Variants in PRKCA observed in about 807,000 individuals in gnomAD.
PRKCA encodes the protein protein kinase C alpha type.
A neutral mutation model predicts 87.0 loss-of-function variants in PRKCA; 27 were observed. The observed-to-expected ratio is 0.31, with a 90% CI of 0.23 to 0.43. The LOEUF is 0.43. PRKCA is among the 20% of genes least tolerant of loss of function. The probability of loss-of-function intolerance (pLI) is 1.00; values close to 1 mark genes in which losing one functional copy is unlikely to be tolerated. For synonymous variants in PRKCA, 329 were observed against 311.1 expected (o/e 1.06, Z -0.61); for missense variants, 518 against 852.3 (o/e 0.61, Z 4.88).
At chr17:66,474,423 G>A (rs964311472) in intron 2 of PRKCA, among the ~76,000 whole-genome samples, 1 of 152,210 alleles carries the variant, frequency 6.6e-6, no homozygotes, top group African/African-American at 2.4e-5. Context: ...AGTCAGCCTA[G>A]CTGGAAGGCT....
chr17:66,577,322 C>G (rs1440530065), intron 3 of PRKCA, among the ~76,000 whole-genome samples: 4 of 152,146 alleles, frequency 2.6e-5, no homozygotes, highest in Non-Finnish European at 5.9e-5. Context: ...TGGTCAAGGC[C>G]TCATTTCTAC....
chr17:66,590,012 G>A lies in PRKCA; in HGVS notation c.289-51343G>A, dbSNP rs573274793. Among the ~76,000 whole-genome samples the A allele has an allele frequency of 3.9e-5, 6 of 152,262 alleles. No individual in the cohort carries two copies. The East Asian group carries it at 1.2e-3, about 29-fold the overall frequency. On this transcript the variant is annotated intron_variant, in intron 3 of 16. Transcript: ENST00000413366. Reference sequence around the variant, plus strand: ...ATCTGACGGTAGGCAGAGCTCAGGCGGTAATGCTTGCTTGCCCGCCGCTCA... The same window carrying A: ...ATCTGACGGTAGGCAGAGCTCAGGCAGTAATGCTTGCTTGCCCGCCGCTCA...
At chr17:66,315,759 C>T (rs1199128159) in intron 2 of PRKCA, among the ~76,000 whole-genome samples, 1 of 152,170 alleles carries the variant, frequency 6.6e-6, no homozygotes, top group African/African-American at 2.4e-5. Context: ...GGATTACAGG[C>T]ATGAGCCACC....
chr17:66,425,697 CT>C lies in PRKCA; in HGVS notation c.206-70496del, dbSNP rs202057178. Among the ~76,000 whole-genome samples the C allele has an allele frequency of 2.0e-5, 3 of 151,938 alleles. No homozygotes were observed. The East Asian group carries it at 5.8e-4, about 29-fold the overall frequency. On this transcript the variant is annotated intron_variant, in intron 2 of 16. Transcript: ENST00000413366. Reference sequence around the variant, plus strand: ...GATCTTAGAAAAGAATGTGTTGTGTCTTTTTTTTGGAAACCCAGCGATTCAG... The same window carrying C: ...GATCTTAGAAAAGAATGTGTTGTGTCTTTTTTTGGAAACCCAGCGATTCAG...
intron 3 of PRKCA, among the ~76,000 whole-genome samples, chr17:66,582,185 C>T (rs1969462689): frequency 6.6e-6 from 1 of 152,096 alleles, no homozygotes; most frequent in African/African-American, 2.4e-5. Context: ...CTCCTCTTCC[C>T]ATGGAAATGG....
At chr17:66,363,544 A>G (rs1279564181) in intron 2 of PRKCA, among the ~76,000 whole-genome samples, 2 of 152,212 alleles carry the variant, frequency 1.3e-5, no homozygotes, top group African/African-American at 4.8e-5. Context: ...TAGTGAATTC[A>G]TAGTATTTGT....
chr17:66,772,394 C>A (rs141040360), intron 13 of PRKCA, among the ~76,000 whole-genome samples: 1 of 152,078 alleles, frequency 6.6e-6, no homozygotes, highest in Non-Finnish European at 1.5e-5. Context: ...TTGTGTTTCT[C>A]ATCCTACATG....
intron 11 of PRKCA, 149 bp downstream of exon 11, chr17:66,739,004 T>C (rs1974100007): frequency 1.6e-6 from 1 of 633,850 alleles, no homozygotes; most frequent in South Asian, 1.8e-5. Context: ...CACCTCAGCC[T>C]CCTGAGTAGC....
intron 12 of PRKCA, 86 bp downstream of exon 12, chr17:66,741,807 A>G (rs1426198434): frequency 7.1e-7 from 1 of 1,403,674 alleles, no homozygotes; most frequent in Admixed American, 1.8e-5. Flanking sequence ...TGGTGACTTA[A>G]GACACAGAGT....
intron 3 of PRKCA, among the ~76,000 whole-genome samples, chr17:66,578,193 T>A (rs1969302076): frequency 6.6e-6 from 1 of 151,420 alleles, no homozygotes; most frequent in African/African-American, 2.4e-5. Flanking sequence ...TATTTGCCTT[T>A]CATCTCGTCT....
At chr17:66,632,199 A>G (rs1287209001) in intron 3 of PRKCA, among the ~76,000 whole-genome samples, 1 of 152,196 alleles carries the variant, frequency 6.6e-6, no homozygotes, top group Non-Finnish European at 1.5e-5. Context: ...TTTGGGTTAC[A>G]TAGATAATGT....
chr17:66,602,440 G>T (rs1233782622), intron 3 of PRKCA, among the ~76,000 whole-genome samples: 1 of 149,876 alleles, frequency 6.7e-6, no homozygotes, highest in Non-Finnish European at 1.5e-5. Context: ...CGCACGGTGC[G>T]CACACCCACT....
rs1475790843 is a variant in PRKCA at position 66,587,923 on chromosome 17, A to G, written c.289-53432A>G. Among the ~76,000 whole-genome samples the G allele has an allele frequency of 8.1e-5, 9 of 111,180 alleles. 1 individual carries two copies. The highest frequency in any genetic ancestry group is 3.5e-4 in the African/African-American group (9 of 25,972). 72.9% of individuals were successfully genotyped at this position (111,180 alleles called of 152,430 possible). ...TATATATATATATATATATATATAT[A>G]TATATATATCCTGCAGTAGCTCTTC... On this transcript the variant is annotated intron_variant, in intron 3 of 16. Transcript: ENST00000413366.
At chr17:66,335,811 C>T (rs1906628710) in intron 2 of PRKCA, among the ~76,000 whole-genome samples, 1 of 152,068 alleles carries the variant, frequency 6.6e-6, no homozygotes, top group Non-Finnish European at 1.5e-5. Flanking sequence ...CCTCGTTTAT[C>T]AGGTTTTTCT....
At position 66,415,274 on chromosome 17, in the gene PRKCA, G is replaced by A. The variant is rs1186624338; in HGVS notation, c.206-80927G>A. On this transcript the variant is annotated intron_variant, in intron 2 of 16. Transcript: ENST00000413366. ...TTAATTTTGATACGATGTCCATTTA[G>A]AAAATAAGTTAGAACCTCCTTTGGA... 4 of 152,278 alleles carry A rather than the reference G, an allele frequency of 2.6e-5. No individual in the cohort carries two copies. The East Asian group carries it at 5.8e-4, about 22-fold the overall frequency. The allele number at this position is 152,278 out of a possible 1,614,324, so 9.4% of individuals were successfully genotyped here.
rs1011284218 is a variant in PRKCA, at chr17:66,803,206, A to C, written c.1855-667A>C. On this transcript the variant is annotated intron_variant, in intron 16 of 16. Transcript: ENST00000413366. The surrounding 1 kb of genome is among the most constrained non-coding windows in gnomAD (Gnocchi z 4.4). ...CCATGCAAACATCCTCCAGCCTGAGACCACCCTGCAAATAAGCTCCAGTCA... is the reference window on the plus strand; with the variant it reads ...CCATGCAAACATCCTCCAGCCTGAGCCCACCCTGCAAATAAGCTCCAGTCA... 2.6e-5 allele frequency among the ~76,000 whole-genome samples: 4 copies of C among 151,950 alleles called. No homozygotes were observed. Among genetic ancestry groups the C allele is most frequent in the Non-Finnish European group, 5.9e-5 (4 of 67,980 alleles).
chr17:66,316,654 G>A (rs1323053657), intron 2 of PRKCA, among the ~76,000 whole-genome samples: 2 of 152,118 alleles, frequency 1.3e-5, no homozygotes, highest in Non-Finnish European at 2.9e-5. Flanking sequence ...TTTAAAAAGT[G>A]TGCTACTTTG....
At chr17:66,466,722 T>A (rs371789313) in intron 2 of PRKCA, among the ~76,000 whole-genome samples, 1 of 152,198 alleles carries the variant, frequency 6.6e-6, no homozygotes, top group African/African-American at 2.4e-5. Context: ...AACTTCAGCT[T>A]TTAATAAAAT....
At chr17:66,346,493 C>G (rs1907380148) in intron 2 of PRKCA, among the ~76,000 whole-genome samples, 3 of 151,834 alleles carry the variant, frequency 2.0e-5, no homozygotes, top group Non-Finnish European at 2.9e-5. Context: ...AAGCTTCTTG[C>G]TTCAGCCTCC....
Sources: gnomAD v4.1 joint callset for allele counts (sites outside exome capture counted in the v4.1 genomes callset) on GRCh38, gnomAD v4.1.1 for gene constraint, Gnocchi (gnomAD v3.1) non-coding constraint, MANE v1.5 for transcripts, NCBI Gene and HGNC (gene_info 2026-07-23, HGNC 2026-07-21) for gene names.